Variants in SOS2 observed in about 807,000 individuals in gnomAD.
SOS2 encodes son of sevenless homolog 2.
In SOS2, 65 loss-of-function variants were observed where a neutral mutation model predicts 148.2. The ratio of observed to expected loss-of-function variants is 0.44; its 90% confidence interval spans 0.36 to 0.54. The LOEUF (loss-of-function observed/expected upper bound fraction) is 0.54. Among genes scored for constraint, SOS2 ranks in the 20% least tolerant of loss-of-function variants. The pLI, the probability that SOS2 is intolerant of heterozygous loss-of-function variation, is 0.00. For synonymous variants in SOS2, 539 were observed against 537.1 expected, an observed-to-expected ratio of 1.00 and a Z score of -0.05; for missense variants, 1,341 against 1,590.2, an observed-to-expected ratio of 0.84 and a Z score of 2.67.
At position 50,118,175 on chromosome 14, in the gene SOS2, G is replaced by C. The variant is rs1883353811; in HGVS notation, c.*169C>G. On this transcript the variant is annotated 3_prime_UTR_variant, in exon 23 of 23. Coordinates refer to ENST00000216373, the MANE Select transcript of SOS2 (RefSeq NM_006939.4). ...TGATCACCTGAGGATAATGGTGAAG[G>C]ACTTTTGTATTTTTATTTTTCCAAT... 1.6e-6 allele frequency: 1 copy of C among 633,020 alleles called. No homozygotes were observed. Among genetic ancestry groups the C allele is most frequent in the Non-Finnish European group, 2.7e-6 (1 of 374,032 alleles). 39.2% of individuals were successfully genotyped at this position (633,020 alleles called of 1,614,324 possible). A position where few individuals can be genotyped will look rare whatever the true frequency, so the allele number is the denominator to read the frequency against.
At chr14:50,202,688 T>TC (rs1201436279) in intron 2 of SOS2, among the ~76,000 whole-genome samples, 1 of 151,884 alleles carries the variant, frequency 6.6e-6, no homozygotes, top group Non-Finnish European at 1.5e-5. Flanking sequence ...TGAGCTATGA[T>TC]CCTGTCACTA....
chr14:50,133,980 C>CCA (rs147458500), intron 19 of SOS2, 143 bp downstream of exon 19: 3 of 636,972 alleles, frequency 4.7e-6, no homozygotes, highest in Non-Finnish European at 5.6e-6. Flanking sequence ...TTTCCCCCCC[C>CCA]AGTTTTAGAA....
intron 1 of SOS2, among the ~76,000 whole-genome samples, chr14:50,212,335 A>G (rs1269223605): frequency 1.3e-5 from 2 of 152,180 alleles, no homozygotes; most frequent in Non-Finnish European, 2.9e-5. Context: ...TTAACTGGTC[A>G]TGGTGGTGCA....
In SOS2 at chr14:50,118,019, C is replaced by T. The variant is rs187497201; in HGVS notation, c.*325G>A. The T allele has an allele frequency of 4.9e-6, 1 of 205,074 alleles. No individual in the cohort carries two copies. The highest frequency in any genetic ancestry group is 2.3e-5 in the African/African-American group (1 of 43,374). 12.7% of individuals were successfully genotyped at this position (205,074 alleles called of 1,614,324 possible). A position where few individuals can be genotyped will look rare whatever the true frequency, so the allele number is the denominator to read the frequency against. Reference sequence around the variant, plus strand: ...TATTACTCAAATTTGAAAAATTTCACAAAAGCACTATCCCTTTTCAGTGCA... The same window carrying T: ...TATTACTCAAATTTGAAAAATTTCATAAAAGCACTATCCCTTTTCAGTGCA... On this transcript the variant is annotated 3_prime_UTR_variant, in exon 23 of 23. Coordinates refer to ENST00000216373, the MANE Select transcript of SOS2 (RefSeq NM_006939.4).
intron 7 of SOS2, among the ~76,000 whole-genome samples, chr14:50,178,499 T>C (rs903966937): frequency 1.2e-4 from 18 of 151,838 alleles, no homozygotes; most frequent in Non-Finnish European, 2.4e-4. Context: ...AGTCTCACTC[T>C]GTAGCCCAGG....
Position 50,157,127 on chromosome 14 carries a change from A to G in SOS2, c.1935-6T>C, listed in dbSNP as rs1215804677. ...CTGGCTCTGGAATTTCAAACCTAAG[A>G]AGAAAAGCAAAAGGAGAAAAATCCG... On this transcript the variant is annotated splice_polypyrimidine_tract_variant and splice_region_variant and intron_variant, in intron 11 of 22. Transcript: ENST00000216373. The G allele has an allele frequency of 6.2e-7, 1 of 1,608,342 alleles. No homozygotes were observed. The highest frequency in any genetic ancestry group is 1.3e-5 in the African/African-American group (1 of 74,678).
At chr14:50,137,311 C>T (rs192684462) in intron 18 of SOS2, among the ~76,000 whole-genome samples, 7 of 152,244 alleles carry the variant, frequency 4.6e-5, no homozygotes, top group Non-Finnish European at 8.8e-5. Flanking sequence ...ACTTTGCTGA[C>T]CCTTTTCCTA....
At chr14:50,178,108 A>T (rs941916792) in intron 7 of SOS2, among the ~76,000 whole-genome samples, 6 of 152,240 alleles carry the variant, frequency 3.9e-5, no homozygotes, top group Admixed American at 3.9e-4. Context: ...AACATGTAGT[A>T]TCACAGGAGC....
At chr14:50,189,061 T>TGACACA (rs1555321068) in intron 4 of SOS2, among the ~76,000 whole-genome samples, 1 of 128,688 alleles carries the variant, frequency 7.8e-6, no homozygotes, top group Non-Finnish European at 1.6e-5. Flanking sequence ...CGAGACTCCA[T>TGACACA]CACACACACA....
chr14:50,214,144 AT>A (rs1886972327), intron 1 of SOS2, among the ~76,000 whole-genome samples: 1 of 152,114 alleles, frequency 6.6e-6, no homozygotes, highest in Non-Finnish European at 1.5e-5. Context: ...TTATCTTTTT[AT>A]TTACATAAAT....
chr14:50,231,719 TCCTCCCCGC>T (rs1456785548), upstream of SOS2, among the ~76,000 whole-genome samples: 4 of 151,342 alleles, frequency 2.6e-5, no homozygotes, highest in South Asian at 2.1e-4. Context: ...CCTCATCGCC[TCCTCCCCGC>T]CCTCCCAGCC....
chr14:50,215,735 C>CA (rs1212213416), intron 1 of SOS2, among the ~76,000 whole-genome samples: 1 of 149,966 alleles, frequency 6.7e-6, no homozygotes, highest in African/African-American at 2.5e-5. Context: ...TAAAAAAAAA[C>CA]AAAAAACAAA....
At chr14:50,134,981 G>T (rs1884024049) in intron 18 of SOS2, among the ~76,000 whole-genome samples, 1 of 148,334 alleles carries the variant, frequency 6.7e-6, no homozygotes, top group Non-Finnish European at 1.5e-5. Flanking sequence ...GCTGAGACAG[G>T]AGAATCAATT....
At chr14:50,149,577 C>T (rs1053208566) in intron 14 of SOS2, among the ~76,000 whole-genome samples, 27 of 152,070 alleles carry the variant, frequency 1.8e-4, no homozygotes, top group Admixed American at 3.9e-4. Context: ...TGACATTTTT[C>T]GACAGAGAGC....
chr14:50,187,684 T>C (rs559903711), intron 5 of SOS2, among the ~76,000 whole-genome samples: 2 of 152,274 alleles, frequency 1.3e-5, no homozygotes, highest in South Asian at 2.1e-4. Context: ...GCCAAACACA[T>C]AGACATGGAA....
chr14:50,188,431 T>C, intron 5 of SOS2, 66 bp downstream of exon 5: 1 of 417,862 alleles, frequency 2.4e-6, no homozygotes, highest in Non-Finnish European at 4.3e-6. Flanking sequence ...AAAGTGACTA[T>C]TTATGATTTT....
chr14:50,162,896 G>GTTTTTTTT (rs1566832748), intron 8 of SOS2, among the ~76,000 whole-genome samples: 1 of 139,854 alleles, frequency 7.2e-6, no homozygotes. Flanking sequence ...CCAATGTTTT[G>GTTTTTTTT]ATTTTTTTTT....
chr14:50,127,039 C>T (rs1883701467), intron 21 of SOS2, among the ~76,000 whole-genome samples: 1 of 151,922 alleles, frequency 6.6e-6, no homozygotes, highest in African/African-American at 2.4e-5. Context: ...ACACCTTTCC[C>T]TTTTTCCTTT....
intron 7 of SOS2, among the ~76,000 whole-genome samples, chr14:50,179,665 G>T (rs868401914): frequency 6.6e-5 from 10 of 152,072 alleles, no homozygotes; most frequent in African/African-American, 2.2e-4. Context: ...ACGTCTGGCT[G>T]GAAAAGTCAG....
Sources: allele counts gnomAD v4.1 joint callset (sites outside exome capture counted in the v4.1 genomes callset), GRCh38; gene constraint gnomAD v4.1.1; transcripts MANE v1.5; gene names NCBI Gene and HGNC (gene_info 2026-07-23, HGNC 2026-07-21).